Variants in TMEM232 observed in about 807,000 individuals in gnomAD.
TMEM232 encodes the protein transmembrane protein 232.
In TMEM232, 80 loss-of-function variants were observed where a neutral mutation model predicts 78.8. The ratio of observed to expected loss-of-function variants is 1.01; its 90% CI spans 0.85 to 1.22. The LOEUF is 1.22. Among genes scored for constraint, TMEM232 ranks in the 50% most tolerant of loss-of-function variants. TMEM232 has a pLI of 0.00. For synonymous variants in TMEM232, 297 were observed against 254.3 expected (o/e 1.17, Z -1.60); for missense variants, 881 against 742.2 (o/e 1.19, Z -2.17).
intron 11 of TMEM232, among the ~76,000 whole-genome samples, chr5:110,555,895 G>A (rs765505989): frequency 6.6e-6 from 1 of 152,084 alleles, no homozygotes; most frequent in Non-Finnish European, 1.5e-5. Flanking sequence ...ATCCTTGCAC[G>A]TGAGATCGGT....
upstream of TMEM232, among the ~76,000 whole-genome samples, chr5:110,730,279 A>G (rs150408059): frequency 2.8e-3 from 422 of 152,330 alleles, 2 homozygotes; most frequent in Middle Eastern, 0.02. Flanking sequence ...TCTGACACCA[A>G]AAGTGAATCA....
intron 1 of TMEM232, among the ~76,000 whole-genome samples, chr5:110,691,157 A>AG (rs1261920029): frequency 6.7e-6 from 1 of 150,302 alleles, no homozygotes; most frequent in Non-Finnish European, 1.5e-5. Context: ...AAAAAAAAAA[A>AG]AAGAAAGAAA....
intron 12 of TMEM232, among the ~76,000 whole-genome samples, chr5:110,454,066 G>A (rs867053421): frequency 3.3e-5 from 5 of 152,106 alleles, no homozygotes; most frequent in Non-Finnish European, 7.4e-5. Context: ...TTATACTTGG[G>A]TAGTTCAACA....
chr5:110,593,325 G>C (rs1396008795), intron 10 of TMEM232, among the ~76,000 whole-genome samples: 4 of 152,118 alleles, frequency 2.6e-5, no homozygotes, highest in Non-Finnish European at 5.9e-5. Context: ...TGTCTTCCAA[G>C]AATTCGCCCA....
chr5:110,498,165 A>G (rs1340111241), intron 12 of TMEM232, among the ~76,000 whole-genome samples: 2 of 152,190 alleles, frequency 1.3e-5, no homozygotes, highest in East Asian at 3.8e-4. Context: ...TATACTCCCT[A>G]ATATTATAAA....
intron 13 of TMEM232, 72 bp from the exon 14 acceptor site, chr5:110,420,828 T>C: frequency 5.5e-6 from 8 of 1,461,002 alleles, no homozygotes; most frequent in South Asian, 4.3e-5. Context: ...CTGCTCAAAA[T>C]GCAGATTCTT....
At chr5:110,452,386 G>A (rs2149337989) in intron 12 of TMEM232, among the ~76,000 whole-genome samples, 1 of 152,206 alleles carries the variant, frequency 6.6e-6, no homozygotes, top group South Asian at 2.1e-4. Context: ...TTTATTTGAA[G>A]AATCCATCCA....
intron 7 of TMEM232, among the ~76,000 whole-genome samples, chr5:110,622,722 G>C (rs575286352): frequency 6.6e-6 from 1 of 151,910 alleles, no homozygotes; most frequent in Non-Finnish European, 1.5e-5. Flanking sequence ...TGGGATGGCT[G>C]GGTCAAATGG....
rs887529012 is a variant in TMEM232, at chr5:110,702,168, A to G, written c.-13+24459T>C. On this transcript the variant is annotated intron_variant, in intron 1 of 13. Coordinates refer to ENST00000455884, the MANE Select transcript of TMEM232 (RefSeq NM_001039763.4). ...AGAAGAACAAAGAGCTATTCAAGAA[A>G]AAAAAGAAAATCTTACAATAGCCCC... 9.9e-5 allele frequency among the ~76,000 whole-genome samples: 15 copies of G among 152,014 alleles called. 1 individual carries two copies. Among genetic ancestry groups the G allele is most frequent in the Admixed American group, 4.6e-4 (7 of 15,240 alleles).
At chr5:110,651,050 T>C (rs1312909779) in intron 2 of TMEM232, among the ~76,000 whole-genome samples, 1 of 152,202 alleles carries the variant, frequency 6.6e-6, no homozygotes, top group Non-Finnish European at 1.5e-5. Flanking sequence ...CCAGTCATTT[T>C]CTAATTTATT....
At chr5:110,393,704 C>T (rs552439774) in intron 3 of TMEM232, among the ~76,000 whole-genome samples, 3 of 152,118 alleles carry the variant, frequency 2.0e-5, no homozygotes, top group Admixed American at 2.0e-4. Context: ...TGACTGTAAT[C>T]CTAGCATTTT....
At chr5:110,629,714 G>A (rs772327437) in intron 5 of TMEM232, among the ~76,000 whole-genome samples, 9 of 151,764 alleles carry the variant, frequency 5.9e-5, no homozygotes, top group Non-Finnish European at 1.0e-4. Context: ...TATTTATCAT[G>A]TGTTGTATTT....
intron 12 of TMEM232, among the ~76,000 whole-genome samples, chr5:110,491,374 T>C (rs550571240): frequency 2.0e-5 from 3 of 152,004 alleles, no homozygotes; most frequent in African/African-American, 7.2e-5. Flanking sequence ...GATGGGTATA[T>C]AAAATGGTGC....
At chr5:110,411,918 T>C (rs1451636135) in intron 2 of TMEM232, among the ~76,000 whole-genome samples, 1 of 152,122 alleles carries the variant, frequency 6.6e-6, no homozygotes, top group Non-Finnish European at 1.5e-5. Context: ...TCTATTTGAG[T>C]ACTGTAATAT....
intron 2 of TMEM232, among the ~76,000 whole-genome samples, chr5:110,402,563 G>A (rs1755639210): frequency 6.6e-6 from 1 of 152,024 alleles, no homozygotes; most frequent in Admixed American, 6.6e-5. Flanking sequence ...AGAAGACTAG[G>A]GGATGGCACC....
intron 7 of TMEM232, among the ~76,000 whole-genome samples, chr5:110,624,301 G>A (rs1421986324): frequency 6.6e-6 from 1 of 152,046 alleles, no homozygotes; most frequent in East Asian, 1.9e-4. Context: ...AGCACATGCT[G>A]GTTTTTTTTT....
At chr5:110,412,498 C>G (rs1015091057) in intron 2 of TMEM232, among the ~76,000 whole-genome samples, 1 of 151,544 alleles carries the variant, frequency 6.6e-6, no homozygotes, top group Non-Finnish European at 1.5e-5. Context: ...ATTGATATGT[C>G]GAATATGTGA....
At chr5:110,653,926 G>T (rs1425904144) in intron 2 of TMEM232, among the ~76,000 whole-genome samples, 1 of 152,094 alleles carries the variant, frequency 6.6e-6, no homozygotes, top group Non-Finnish European at 1.5e-5. Context: ...GATGATCAAA[G>T]CCTTAAAATT....
chr5:110,678,950 GT>G (rs1446355955), intron 1 of TMEM232, among the ~76,000 whole-genome samples: 1 of 152,152 alleles, frequency 6.6e-6, no homozygotes, highest in African/African-American at 2.4e-5. Context: ...TTGCTTTCAA[GT>G]TTTAAGAATT....
Sources: gnomAD v4.1 joint callset for allele counts (sites outside exome capture counted in the v4.1 genomes callset) on GRCh38, gnomAD v4.1.1 for gene constraint, MANE v1.5 for transcripts, NCBI Gene and HGNC (gene_info 2026-07-23, HGNC 2026-07-21) for gene names.